Variants in FTO observed in about 807,000 individuals in gnomAD.
The protein encoded by FTO is alpha-ketoglutarate-dependent dioxygenase FTO.
Under a neutral mutation model 63.9 loss-of-function variants are expected in FTO, and 47 were observed. The ratio of observed to expected loss-of-function variants is 0.74; its 90% CI spans 0.58 to 0.94. The LOEUF (loss-of-function observed/expected upper bound fraction) is 0.94, where lower values mean the gene tolerates loss of function less well. Among genes scored for constraint, FTO ranks in the 40% least tolerant of loss-of-function variants. The pLI is 0.00. For synonymous variants in FTO, 207 were observed against 224.4 expected (o/e 0.92, Z 0.69); for missense variants, 562 against 618.1 (o/e 0.91, Z 0.96).
intron 1 of FTO, among the ~76,000 whole-genome samples, chr16:53,764,516 C>T (rs1407177545): frequency 6.7e-6 from 1 of 149,820 alleles, no homozygotes; most frequent in Non-Finnish European, 1.5e-5. Context: ...AATTAACTGA[C>T]TTGTAGAGGC....
chr16:54,100,461 TC>T (rs2086615770), intron 8 of FTO, among the ~76,000 whole-genome samples: 1 of 152,064 alleles, frequency 6.6e-6, no homozygotes, highest in Admixed American at 6.6e-5. Context: ...CAAGTGATCC[TC>T]CCACCTCAGC....
intron 7 of FTO, among the ~76,000 whole-genome samples, chr16:53,908,500 A>G (rs1017413764): frequency 7.9e-5 from 12 of 152,194 alleles, no homozygotes; most frequent in African/African-American, 2.9e-4. Flanking sequence ...CTTTTGCCAG[A>G]TATAAGAAAC....
At chr16:53,895,533 G>A (rs1321911116) in intron 7 of FTO, among the ~76,000 whole-genome samples, 2 of 152,148 alleles carry the variant, frequency 1.3e-5, no homozygotes, top group South Asian at 2.1e-4. Context: ...GCAGAAAAAA[G>A]GGATACTTAT....
chr16:54,015,516 ATG>A (rs2084422787), intron 8 of FTO, among the ~76,000 whole-genome samples: 1 of 39,966 alleles, frequency 2.5e-5, no homozygotes, highest in Non-Finnish European at 3.8e-5. Flanking sequence ...CATGGCACAA[ATG>A]CCCATGGCAC....
At chr16:54,000,097 G>A (rs987797172) in intron 8 of FTO, 1 of 152,078 alleles carries the variant, frequency 6.6e-6, no homozygotes, top group Non-Finnish European at 1.5e-5. Flanking sequence ...TTAGAGCTTT[G>A]GCCATGGGTT....
At chr16:54,042,535 C>A (rs1214885439) in intron 8 of FTO, among the ~76,000 whole-genome samples, 1 of 57,422 alleles carries the variant, frequency 1.7e-5, no homozygotes, top group African/African-American at 1.7e-4. Context: ...GGGGGAGGGG[C>A]GCCCGCCATT....
In FTO at chr16:53,930,649, G is replaced by A. The variant is rs140105460; in HGVS notation, c.1240-3336G>A. On this transcript the variant is annotated intron_variant, in intron 7 of 8. Transcript: ENST00000471389. The stretch of plus-strand genomic sequence containing the variant: ...TTATCTAGAAATTACTACGAAAAAT[G>A]AGTCAATTTAAAGAAAAATATTAAA... 7.6e-3 allele frequency among the ~76,000 whole-genome samples: 1,150 copies of A among 152,156 alleles called. 22 individuals carry two copies. The highest frequency in any genetic ancestry group is 0.04 in the East Asian group (206 of 5,170).
intron 4 of FTO, among the ~76,000 whole-genome samples, chr16:53,864,594 C>T (rs9933889): frequency 0.029 from 4,399 of 152,248 alleles, 214 homozygotes; most frequent in African/African-American, 0.099. Context: ...AGAGTGAGAG[C>T]GTCTTTTCTT....
chr16:53,974,777 GT>G (rs2083398713), intron 8 of FTO, among the ~76,000 whole-genome samples: 1 of 151,240 alleles, frequency 6.6e-6, no homozygotes, highest in South Asian at 2.1e-4. Context: ...CTGTTTTAGA[GT>G]TGCAAAGAGA....
chr16:54,059,318 A>T (rs142853103), intron 8 of FTO, among the ~76,000 whole-genome samples: 2 of 152,344 alleles, frequency 1.3e-5, no homozygotes, highest in East Asian at 3.9e-4. Flanking sequence ...ATATCAGGTT[A>T]TGATCGGCAA....
intron 8 of FTO, among the ~76,000 whole-genome samples, chr16:53,987,814 A>G (rs2083707788): frequency 6.6e-6 from 1 of 152,182 alleles, no homozygotes; most frequent in African/African-American, 2.4e-5. Context: ...ACCAAGAGTA[A>G]TATTTGCCCA....
chr16:53,932,392 GTT>G (rs1277490248), intron 7 of FTO, among the ~76,000 whole-genome samples: 2 of 140,980 alleles, frequency 1.4e-5, no homozygotes, highest in Non-Finnish European at 1.6e-5. Flanking sequence ...TTCTGATGTG[GTT>G]TTTTTTTTTT....
intron 8 of FTO, among the ~76,000 whole-genome samples, chr16:54,103,463 C>T (rs2086683745): frequency 6.6e-6 from 1 of 152,174 alleles, no homozygotes; most frequent in South Asian, 2.1e-4. Flanking sequence ...TCTGGCTTTT[C>T]CTCACTCTCT....
Position 53,844,245 on chromosome 16 carries a change from A to T in FTO, c.842A>T (p.Glu281Val), listed in dbSNP as rs1380871124. ...GGTTTTAAGATCTCATGGGACATAG[A>T]GACACCTGGTTTGGCGATACCCCTT... ...HVGFKISWDI[E>V]TPGLAIPLHQ... is the part of the protein sequence containing the mutation. The change falls in exon 4 of 9, where the codon GAG (glutamate) becomes GTG (valine). Residue 281 changes from glutamate (E) to valine (V), a missense_variant. Coordinates refer to ENST00000471389, the MANE Select transcript of FTO (RefSeq NM_001080432.3). The T allele has an allele frequency of 1.9e-6, 3 of 1,613,480 alleles. No homozygotes were observed. Among genetic ancestry groups the T allele is most frequent in the Non-Finnish European group, 2.5e-6 (3 of 1,179,574 alleles).
At chr16:53,885,136 A>G (rs763943544) in intron 6 of FTO, among the ~76,000 whole-genome samples, 4 of 152,078 alleles carry the variant, frequency 2.6e-5, no homozygotes, top group Non-Finnish European at 5.9e-5. Flanking sequence ...GACTCACTGT[A>G]TTTTGCGTTC....
chr16:53,703,988 G>C, upstream of FTO: 1 of 662,930 alleles, frequency 1.5e-6, no homozygotes, highest in Non-Finnish European at 2.7e-6. Context: ...TGTCGGACCT[G>C]GGAAATTCTC....
intron 8 of FTO, among the ~76,000 whole-genome samples, chr16:54,098,451 A>G (rs900936065): frequency 6.6e-6 from 1 of 152,246 alleles, no homozygotes; most frequent in Non-Finnish European, 1.5e-5. Flanking sequence ...ACAGCAGTTC[A>G]GTGGCAGGAG....
At chr16:53,859,916 C>A (rs1011021820) in intron 4 of FTO, among the ~76,000 whole-genome samples, 1 of 152,096 alleles carries the variant, frequency 6.6e-6, no homozygotes, top group African/African-American at 2.4e-5. Flanking sequence ...TTTCATATGA[C>A]CCAGCGATTC....
At chr16:53,893,498 G>A (rs1598926900) in intron 7 of FTO, among the ~76,000 whole-genome samples, 2 of 152,200 alleles carry the variant, frequency 1.3e-5, no homozygotes, top group East Asian at 1.9e-4. Context: ...GAGATTCAAT[G>A]GATAGGCCAT....
Sources: allele counts gnomAD v4.1 joint callset (sites outside exome capture counted in the v4.1 genomes callset), GRCh38; gene constraint gnomAD v4.1.1; transcripts MANE v1.5; gene names NCBI Gene and HGNC (gene_info 2026-07-23, HGNC 2026-07-21).